Variants in SKAP2 observed in about 807,000 individuals in gnomAD.
SKAP2 encodes the protein src kinase-associated phosphoprotein 2.
Under a neutral mutation model 54.9 loss-of-function variants are expected in SKAP2, and 28 were observed. The ratio of observed to expected loss-of-function variants is 0.51; its 90% CI spans 0.38 to 0.70. The LOEUF (loss-of-function observed/expected upper bound fraction) is 0.70. Ranked by LOEUF, SKAP2 falls within the 30% of genes least tolerant of loss-of-function variation. The probability of loss-of-function intolerance (pLI) is 0.00; values close to 1 mark genes in which losing one functional copy is unlikely to be tolerated. For synonymous variants in SKAP2, 137 were observed against 134.3 expected (o/e 1.02, Z -0.14); for missense variants, 356 against 424.1 (o/e 0.84, Z 1.41).
chr7:26,762,681 CA>C (rs550434919), intron 4 of SKAP2, among the ~76,000 whole-genome samples: 40 of 142,352 alleles, frequency 2.8e-4, no homozygotes, highest in East Asian at 6.1e-4. Context: ...ACTAAAAATA[CA>C]AAAAAAAAAA....
chr7:26,674,406 T>C (rs961274839), intron 11 of SKAP2, among the ~76,000 whole-genome samples: 2 of 152,308 alleles, frequency 1.3e-5, no homozygotes, highest in Admixed American at 6.5e-5. Context: ...CTTTAGTCTC[T>C]TTTTTATTAA....
chr7:26,833,294 G>T (rs1784635281), intron 4 of SKAP2, among the ~76,000 whole-genome samples: 1 of 151,472 alleles, frequency 6.6e-6, no homozygotes, highest in Non-Finnish European at 1.5e-5. Flanking sequence ...TACTCAGGAG[G>T]CTGAGGCAGG....
intron 9 of SKAP2, among the ~76,000 whole-genome samples, chr7:26,705,678 T>TC (rs1787141205): frequency 6.6e-6 from 1 of 152,200 alleles, no homozygotes; most frequent in Non-Finnish European, 1.5e-5. Flanking sequence ...TCAGTATAGT[T>TC]CAATTTAGTG....
chr7:26,741,352 T>C (rs1322607691), intron 4 of SKAP2, among the ~76,000 whole-genome samples: 2 of 151,754 alleles, frequency 1.3e-5, no homozygotes, highest in Admixed American at 6.6e-5. Context: ...CCCCCATCTC[T>C]ACGAAAAATT....
At chr7:26,822,701 C>T (rs1784406216) in intron 4 of SKAP2, among the ~76,000 whole-genome samples, 1 of 151,212 alleles carries the variant, frequency 6.6e-6, no homozygotes, top group Non-Finnish European at 1.5e-5. Context: ...CGGTGAAACC[C>T]CGTCTCTACT....
At chr7:26,719,007 C>A (rs182507640) in intron 9 of SKAP2, among the ~76,000 whole-genome samples, 37 of 151,978 alleles carry the variant, frequency 2.4e-4, no homozygotes, top group Admixed American at 2.4e-3. Flanking sequence ...AGTAAGACTC[C>A]ATTTCTACAA....
downstream of SKAP2, among the ~76,000 whole-genome samples, chr7:26,665,582 T>C (rs548440088): frequency 6.6e-6 from 1 of 152,282 alleles, no homozygotes; most frequent in South Asian, 2.1e-4. Flanking sequence ...ATAAATAATA[T>C]GTTTGTGTAT....
intron 4 of SKAP2, among the ~76,000 whole-genome samples, chr7:26,754,135 G>A (rs183354481): frequency 2.0e-5 from 3 of 152,192 alleles, no homozygotes; most frequent in East Asian, 1.9e-4. Context: ...AGGCTGAGGC[G>A]AGTGGATCAC....
chr7:26,707,128 G>A (rs930328158), intron 9 of SKAP2, among the ~76,000 whole-genome samples: 3 of 152,144 alleles, frequency 2.0e-5, no homozygotes. Flanking sequence ...GAGAGGCCAA[G>A]GCAGGTGGAT....
At chr7:26,741,877 T>C (rs1464014666) in intron 4 of SKAP2, among the ~76,000 whole-genome samples, 2 of 152,096 alleles carry the variant, frequency 1.3e-5, no homozygotes, top group Non-Finnish European at 2.9e-5. Context: ...TGGATATTTT[T>C]TCTTAAGAAA....
At chr7:26,810,922 C>T (rs1023817558) in intron 4 of SKAP2, among the ~76,000 whole-genome samples, 5 of 152,102 alleles carry the variant, frequency 3.3e-5, no homozygotes, top group Admixed American at 6.6e-5. Flanking sequence ...CCTCATGATC[C>T]GCGCACCTCG....
chr7:26,726,147 T>C (rs964635245), intron 7 of SKAP2, among the ~76,000 whole-genome samples, 161 bp from the exon 8 acceptor site: 2 of 152,132 alleles, frequency 1.3e-5, no homozygotes, highest in African/African-American at 4.8e-5. Context: ...TTTTGACAAA[T>C]TTATGCAATT....
At chr7:26,812,380 T>C (rs570525389) in intron 4 of SKAP2, among the ~76,000 whole-genome samples, 5 of 152,288 alleles carry the variant, frequency 3.3e-5, no homozygotes, top group African/African-American at 1.2e-4. Context: ...GTTTCAAGAT[T>C]TGTGAACTGG....
At chr7:26,827,194 G>A (rs1424064209) in intron 4 of SKAP2, among the ~76,000 whole-genome samples, 1 of 152,162 alleles carries the variant, frequency 6.6e-6, no homozygotes, top group African/African-American at 2.4e-5. Context: ...GCAAGGAGGA[G>A]CTTCTGGAGG....
At chr7:26,711,956 G>A (rs936896146) in intron 9 of SKAP2, among the ~76,000 whole-genome samples, 35 of 152,172 alleles carry the variant, frequency 2.3e-4, no homozygotes, top group African/African-American at 8.4e-4. Flanking sequence ...GGCAGAATCA[G>A]GAGTAACTGG....
chr7:26,845,689 A>G (rs1398899586), intron 3 of SKAP2, among the ~76,000 whole-genome samples: 1 of 152,174 alleles, frequency 6.6e-6, no homozygotes, highest in Non-Finnish European at 1.5e-5. Context: ...TCAGCTACTC[A>G]GCATGCTTGA....
intron 4 of SKAP2, among the ~76,000 whole-genome samples, chr7:26,773,452 T>C (rs549059204): frequency 2.6e-5 from 4 of 152,350 alleles, no homozygotes; most frequent in African/African-American, 7.2e-5. Context: ...ATCTTCCAGC[T>C]AATACATTTC....
intron 4 of SKAP2, among the ~76,000 whole-genome samples, chr7:26,788,205 A>C (rs184091249): frequency 6.6e-6 from 1 of 152,344 alleles, no homozygotes; most frequent in East Asian, 1.9e-4. Context: ...ATTAGACTTA[A>C]TGAAAGCTGA....
chr7:26,698,234 A>G (rs1237961870), intron 9 of SKAP2, among the ~76,000 whole-genome samples: 1 of 152,220 alleles, frequency 6.6e-6, no homozygotes, highest in East Asian at 1.9e-4. Flanking sequence ...AGAGCCCAAG[A>G]AAGAAAAAGC....
Sources: allele counts gnomAD v4.1 joint callset (sites outside exome capture counted in the v4.1 genomes callset), GRCh38; gene constraint gnomAD v4.1.1; transcripts MANE v1.5; gene names NCBI Gene and HGNC (gene_info 2026-07-23, HGNC 2026-07-21).